The following SGCG variants were observed in gnomAD, a reference collection of about 807,000 sequenced individuals.
SGCG encodes sarcoglycan gamma.
A neutral mutation model predicts 29.3 loss-of-function variants in SGCG; 26 were observed. The ratio of observed to expected loss-of-function variants is 0.89; its 90% CI spans 0.65 to 1.23. The LOEUF (loss-of-function observed/expected upper bound fraction) is 1.23. Ranked by LOEUF, SGCG falls within the 50% of genes most tolerant of loss-of-function variation. The pLI, the probability that SGCG is intolerant of heterozygous loss-of-function variation, is 0.00. For missense variants in SGCG, 353 were observed against 356.0 expected (o/e 0.99, Z 0.07); for synonymous variants, 145 against 129.7 (o/e 1.12, Z -0.80).
At chr13:23,241,244 G>T (rs1461138543) in intron 3 of SGCG, among the ~76,000 whole-genome samples, 1 of 151,020 alleles carries the variant, frequency 6.6e-6, no homozygotes, top group Non-Finnish European at 1.5e-5. Flanking sequence ...ATCAAAGACA[G>T]AAGATCCAAA....
chr13:23,298,979 G>A (rs945438145), intron 6 of SGCG, among the ~76,000 whole-genome samples: 1 of 152,156 alleles, frequency 6.6e-6, no homozygotes, highest in African/African-American at 2.4e-5. Context: ...AGGATGGGAG[G>A]TGGGAACTAA....
At chr13:23,220,170 TGGCTG>T (rs969047230) in intron 2 of SGCG, among the ~76,000 whole-genome samples, 1 of 150,890 alleles carries the variant, frequency 6.6e-6, no homozygotes, top group Non-Finnish European at 1.5e-5. Context: ...TAAAAGAATA[TGGCTG>T]GGCGCAGTGG....
At chr13:23,182,342 G>A (rs1375651347) in intron 1 of SGCG, among the ~76,000 whole-genome samples, 2 of 152,096 alleles carry the variant, frequency 1.3e-5, no homozygotes, top group Non-Finnish European at 2.9e-5. Context: ...CTCAGCTTGA[G>A]GCACCAGGGC....
At chr13:23,287,205 A>G (rs893363963) in intron 5 of SGCG, among the ~76,000 whole-genome samples, 1 of 152,226 alleles carries the variant, frequency 6.6e-6, no homozygotes, top group African/African-American at 2.4e-5. Flanking sequence ...TGAGCCCTTT[A>G]TAACCAGAGA....
chr13:23,309,096 A>G (rs1882462242), intron 6 of SGCG, among the ~76,000 whole-genome samples: 1 of 151,932 alleles, frequency 6.6e-6, no homozygotes, highest in South Asian at 2.1e-4. Context: ...GGGTGTTTAT[A>G]GTTTTTGTTT....
the SGCG span, among the ~76,000 whole-genome samples, chr13:23,169,388 A>G: frequency 2.0e-4 from 31 of 151,840 alleles, 1 homozygote; most frequent in African/African-American, 7.5e-4. Flanking sequence ...CTGTGGAAAA[A>G]AAAAAAAAGG....
At position 23,188,502 on chromosome 13, in the gene SGCG, T is replaced by TCGG. The variant is rs1565992168; in HGVS notation, c.-1+7427_-1+7428insCGG. ...CTAATTTTTTTTTTTTTTTTTTTTT[T>TCGG]GGGACAGGTATTCACCATGTTGGTC... On this transcript the variant is annotated intron_variant, in intron 1 of 7. Coordinates refer to ENST00000218867, the MANE Select transcript of SGCG (RefSeq NM_000231.3). Among the ~76,000 whole-genome samples, 254 of 140,926 alleles carry TCGG rather than the reference T, an allele frequency of 1.8e-3. 1 individual carries two copies. Among genetic ancestry groups the TCGG allele is most frequent in the African/African-American group, 6.4e-3 (244 of 38,384 alleles). The allele number at this position is 140,926 out of a possible 152,430, so 92.5% of individuals were successfully genotyped here.
upstream of SGCG, among the ~76,000 whole-genome samples, chr13:23,177,140 T>C (rs138704106): frequency 4.2e-3 from 646 of 152,282 alleles, 4 homozygotes; most frequent in African/African-American, 0.015. Flanking sequence ...AAATACTGCA[T>C]GTTCTCACTC....
intron 6 of SGCG, among the ~76,000 whole-genome samples, chr13:23,302,005 C>A (rs1409496): frequency 0.72 from 109,616 of 152,036 alleles, 41,473 homozygotes; most frequent in East Asian, 0.89. Context: ...TAACATAAAT[C>A]ATTTTGAAAT....
chr13:23,317,022 C>T (rs144526509), intron 6 of SGCG, among the ~76,000 whole-genome samples: 2 of 152,040 alleles, frequency 1.3e-5, no homozygotes, highest in Admixed American at 6.5e-5. Flanking sequence ...CTGGCTAACA[C>T]AGTGAAAGCT....
intron 2 of SGCG, among the ~76,000 whole-genome samples, chr13:23,227,346 C>T (rs1219680127): frequency 6.7e-6 from 1 of 150,046 alleles, no homozygotes; most frequent in African/African-American, 2.5e-5. Context: ...CCTGGCAGTA[C>T]CAAGTGCTGA....
chr13:23,309,856 T>C (rs1593104506), intron 6 of SGCG, among the ~76,000 whole-genome samples: 1 of 152,322 alleles, frequency 6.6e-6, no homozygotes, highest in East Asian at 1.9e-4. Context: ...TTTCAAGTTT[T>C]GTACATCTTC....
At chr13:23,312,573 C>G (rs114377029) in intron 6 of SGCG, among the ~76,000 whole-genome samples, 2 of 152,084 alleles carry the variant, frequency 1.3e-5, no homozygotes, top group Non-Finnish European at 2.9e-5. Context: ...TACACATGGA[C>G]GTAGTGTGTG....
At chr13:23,262,176 G>C (rs1880464569) in intron 4 of SGCG, among the ~76,000 whole-genome samples, 1 of 152,020 alleles carries the variant, frequency 6.6e-6, no homozygotes, top group Non-Finnish European at 1.5e-5. Context: ...CACATTGAAT[G>C]TAAGTGGTCT....
chr13:23,169,750 A>C, the SGCG span: 1 of 147,242 alleles, frequency 6.8e-6, no homozygotes, highest in Non-Finnish European at 1.5e-5. Context: ...ACACACACGC[A>C]ACTTCTTTAG....
intron 4 of SGCG, among the ~76,000 whole-genome samples, chr13:23,266,553 A>G (rs1344216393): frequency 1.3e-5 from 2 of 152,074 alleles, no homozygotes; most frequent in Non-Finnish European, 2.9e-5. Context: ...AAGAGGGGAA[A>G]GTGGAGGGTG....
upstream of SGCG, among the ~76,000 whole-genome samples, chr13:23,177,565 AG>A (rs1876597816): frequency 7.5e-6 from 1 of 133,906 alleles, no homozygotes; most frequent in Non-Finnish European, 1.6e-5. Flanking sequence ...GCATGTGAGC[AG>A]GCTTTTTTTT....
At chr13:23,253,939 GC>G (rs1880074052) in intron 4 of SGCG, among the ~76,000 whole-genome samples, 1 of 152,180 alleles carries the variant, frequency 6.6e-6, no homozygotes, top group Non-Finnish European at 1.5e-5. Context: ...GCTTCCTGAG[GC>G]CCTCACTAGA....
chr13:23,276,196 G>A (rs939985302), intron 4 of SGCG, among the ~76,000 whole-genome samples: 5 of 151,684 alleles, frequency 3.3e-5, no homozygotes, highest in Admixed American at 2.6e-4. Context: ...AAAAAAAACC[G>A]CTAGAATATT....
Sources: gnomAD v4.1 joint callset for allele counts (sites outside exome capture counted in the v4.1 genomes callset) on GRCh38, gnomAD v4.1.1 for gene constraint, MANE v1.5 for transcripts, NCBI Gene and HGNC (gene_info 2026-07-23, HGNC 2026-07-21) for gene names.